Variants in TTLL6 observed in about 807,000 individuals in gnomAD.
TTLL6 encodes tubulin tyrosine ligase like 6.
TTLL6 carries 75 observed loss-of-function variants against 96.4 expected under a neutral mutation model. That is an observed-to-expected ratio of 0.78 (90% CI 0.65 to 0.94). TTLL6 has a LOEUF of 0.94. TTLL6 is among the 40% of genes least tolerant of loss of function. The pLI is 0.00. For missense variants in TTLL6, 1,030 were observed against 1,093.0 expected, an observed-to-expected ratio of 0.94 and a Z score of 0.81; for synonymous variants, 411 against 419.4, an observed-to-expected ratio of 0.98 and a Z score of 0.24.
At chr17:48,771,324 G>C (rs926091391) in intron 13 of TTLL6, among the ~76,000 whole-genome samples, 1 of 152,116 alleles carries the variant, frequency 6.6e-6, no homozygotes, top group African/African-American at 2.4e-5. Context: ...TTAATGGATG[G>C]CTCAAATAAA....
At chr17:48,777,725 C>T (rs1404823404) in intron 13 of TTLL6, among the ~76,000 whole-genome samples, 1 of 134,984 alleles carries the variant, frequency 7.4e-6, no homozygotes, top group Non-Finnish European at 1.7e-5. Flanking sequence ...AGTGAGACTC[C>T]GTCTCAAAAA....
At chr17:48,780,331 C>A (rs2038962491) in intron 13 of TTLL6, among the ~76,000 whole-genome samples, 1 of 151,972 alleles carries the variant, frequency 6.6e-6, no homozygotes, top group African/African-American at 2.4e-5. Flanking sequence ...CAGATGGGAG[C>A]CACTGCGCCC....
intron 15 of TTLL6, among the ~76,000 whole-genome samples, chr17:48,768,506 G>A (rs747474083): frequency 1.3e-5 from 2 of 151,876 alleles, no homozygotes; most frequent in South Asian, 2.1e-4. Context: ...TCCTGACCTC[G>A]TGATCCACCC....
intron 2 of TTLL6, chr17:48,804,506 C>G (rs2039475711): frequency 1.6e-6 from 1 of 612,842 alleles, no homozygotes; most frequent in Non-Finnish European, 3.0e-6. Flanking sequence ...TCTTTTCCTG[C>G]TATTTTTTAA....
At position 48,762,936 on chromosome 17, in the gene TTLL6, A is replaced by G. The variant is rs961628268; in HGVS notation, c.*38T>C. On this transcript the variant is annotated 3_prime_UTR_variant, in exon 16 of 16. Coordinates refer to ENST00000393382, the MANE Select transcript of TTLL6 (RefSeq NM_001130918.3). Reference sequence around the variant, plus strand: ...GACACATTGTTTCCTGCAAGTTAAGAGGTAGGAAGGGAAAAGTGGCAGAGA... The same window carrying G: ...GACACATTGTTTCCTGCAAGTTAAGGGGTAGGAAGGGAAAAGTGGCAGAGA... 6.6e-6 allele frequency: 3 copies of G among 456,152 alleles called. No homozygotes were observed. Among genetic ancestry groups the G allele is most frequent in the African/African-American group, 6.0e-5 (3 of 50,052 alleles). 28.3% of individuals were successfully genotyped at this position (456,152 alleles called of 1,614,324 possible). A position where few individuals can be genotyped will look rare whatever the true frequency, so the allele number is the denominator to read the frequency against.
At chr17:48,802,130 GAAAGAAAGAAAGAAAGAA>G (rs1567733723) in intron 3 of TTLL6, among the ~76,000 whole-genome samples, 3 of 105,686 alleles carry the variant, frequency 2.8e-5, no homozygotes, top group Non-Finnish European at 4.7e-5. Context: ...AAGAAAGAAA[GAAAGAAAGAAAGAAAGAA>G]AGAAAATAAA....
chr17:48,811,062 ATTT>A, intron 1 of TTLL6, among the ~76,000 whole-genome samples: 1 of 113,526 alleles, frequency 8.8e-6, no homozygotes, highest in South Asian at 2.9e-4. Context: ...TTATATTATT[ATTT>A]TTCTTTTTTT....
In TTLL6 at chr17:48,801,254, C is replaced by G. The variant is rs2039407137; in HGVS notation, c.611+1G>C. On this transcript the variant is annotated splice_donor_variant, in intron 5 of 15. Transcript: ENST00000393382. LOFTEE classifies it high-confidence loss of function. ...GGAAGTACAGGGCGGGGGGCACTCA[C>G]TCAGCAGGAAGACACCAGGTCCTAG... The G allele has an allele frequency of 1.9e-6, 3 of 1,551,356 alleles. No homozygotes were observed. The highest frequency in any genetic ancestry group is 2.6e-6 in the Non-Finnish European group (3 of 1,146,752).
At chr17:48,771,195 G>C (rs2038737365) in intron 13 of TTLL6, among the ~76,000 whole-genome samples, 1 of 152,230 alleles carries the variant, frequency 6.6e-6, no homozygotes, top group Non-Finnish European at 1.5e-5. Context: ...TACACATGCT[G>C]GGGGGTGTGG....
intron 13 of TTLL6, among the ~76,000 whole-genome samples, chr17:48,777,362 AGGCAGGAGGATCACCTGAG>A (rs775503903): frequency 3.3e-5 from 5 of 152,230 alleles, no homozygotes; most frequent in Non-Finnish European, 7.3e-5. Context: ...TGGGAGGCCG[AGGCAGGAGGATCACCTGAG>A]GTCAGGAGTT....
intron 2 of TTLL6, 26 bp from the exon 3 acceptor site, chr17:48,803,954 C>T: frequency 1.3e-6 from 2 of 1,551,180 alleles, no homozygotes; most frequent in South Asian, 2.4e-5. Flanking sequence ...AAAAGGAAAG[C>T]AGCAAGACAG....
chr17:48,793,785 T>A (rs549909992), intron 8 of TTLL6, among the ~76,000 whole-genome samples: 8 of 152,090 alleles, frequency 5.3e-5, no homozygotes, highest in Non-Finnish European at 1.0e-4. Context: ...AGAATAGGGA[T>A]GATGATAATG....
intron 3 of TTLL6, among the ~76,000 whole-genome samples, chr17:48,802,078 AAAAGAAAG>A (rs139321404): frequency 0.15 from 18,107 of 120,900 alleles, 1,504 homozygotes; most frequent in East Asian, 0.23. Flanking sequence ...GAAAGAAAGA[AAAAGAAAG>A]AAAGAAAGAA....
chr17:48,801,160 T>G, intron 5 of TTLL6, 95 bp downstream of exon 5: 2 of 1,137,416 alleles, frequency 1.8e-6, no homozygotes, highest in Admixed American at 4.3e-5. Flanking sequence ...GGAGTTCATA[T>G]GGGCAGGGAA....
At position 48,790,076 on chromosome 17, in the gene TTLL6, A is replaced by G; in HGVS notation, c.1255T>C (p.Ser419Pro). ...TCTTTCACCTCTTTATCCAACCGAG[A>G]GTCGGTGGAGAAGCTTGGAGAGTGG... is the stretch of plus-strand genomic sequence containing the variant. ...VNHSPSFSTD[S>P]RLDKEVKDGL... is the part of the protein sequence containing the mutation. Residue 419 changes from serine to proline, a missense_variant, in exon 10 of 16, where the codon TCT (serine) becomes CCT (proline). Transcript: ENST00000393382. The G allele has an allele frequency of 3.1e-6, 5 of 1,614,014 alleles. No homozygotes were observed. The highest frequency in any genetic ancestry group is 4.2e-6 in the Non-Finnish European group (5 of 1,179,986).
chr17:48,773,200 T>C (rs185499307), intron 13 of TTLL6, among the ~76,000 whole-genome samples: 5 of 133,510 alleles, frequency 3.7e-5, no homozygotes, highest in African/African-American at 1.4e-4. Flanking sequence ...CTAAGAAGTC[T>C]GTGAGACAAT....
intron 13 of TTLL6, among the ~76,000 whole-genome samples, chr17:48,780,533 A>C (rs1473515096): frequency 6.6e-6 from 1 of 152,232 alleles, no homozygotes; most frequent in Non-Finnish European, 1.5e-5. Context: ...CTACCATCTT[A>C]GTCATTTTAA....
At chr17:48,799,520 T>A (rs935793875) in intron 6 of TTLL6, 84 bp downstream of exon 6, 1 of 1,382,320 alleles carries the variant, frequency 7.2e-7, no homozygotes, top group Admixed American at 2.1e-5. Context: ...TCACCCTCCA[T>A]CCCCTCATTT....
At chr17:48,783,751 TGGTGC>T (rs2039035174) in intron 13 of TTLL6, among the ~76,000 whole-genome samples, 1 of 152,190 alleles carries the variant, frequency 6.6e-6, no homozygotes, top group Non-Finnish European at 1.5e-5. Flanking sequence ...TAAATTTTAT[TGGTGC>T]TATTTGTTTT....
Sources: gnomAD v4.1 joint callset for allele counts (sites outside exome capture counted in the v4.1 genomes callset) on GRCh38, gnomAD v4.1.1 for gene constraint, MANE v1.5 for transcripts, NCBI Gene and HGNC (gene_info 2026-07-23, HGNC 2026-07-21) for gene names.